The following DNAI7 variants were observed in gnomAD, a reference collection of about 807,000 sequenced individuals.
The protein encoded by DNAI7 is cancer susceptibility 1.
Under a neutral mutation model 86.6 loss-of-function variants are expected in DNAI7, and 78 were observed. The observed-to-expected ratio is 0.90, with a 90% CI of 0.75 to 1.09. The LOEUF is 1.09. Ranked by LOEUF, DNAI7 falls within the 50% of genes least tolerant of loss-of-function variation. DNAI7 has a pLI of 0.00. For missense variants in DNAI7, 753 were observed against 810.2 expected (o/e 0.93, Z 0.86); for synonymous variants, 274 against 273.0 (o/e 1.00, Z -0.04).
At chr12:25,164,824 C>G (rs956191218) in intron 2 of DNAI7, among the ~76,000 whole-genome samples, 5 of 152,004 alleles carry the variant, frequency 3.3e-5, no homozygotes, top group African/African-American at 7.3e-5. Context: ...CCAGGCCGAG[C>G]TAGGTCACAA....
Position 25,154,422 on chromosome 12 carries a change from T to C in DNAI7, c.335A>G (p.Asp112Gly). The C allele has an allele frequency of 6.2e-7, 1 of 1,611,144 alleles. No individual in the cohort carries two copies. Among genetic ancestry groups the C allele is most frequent in the Non-Finnish European group, 8.5e-7 (1 of 1,179,332 alleles). Reference protein sequence around the residue: ...KHYIQCDGSPDPSVAQEMNTF... With the variant: ...KHYIQCDGSPGPSVAQEMNTF... Reference sequence around the variant, plus strand: ...GTTCATTTCTTGGGCTACTGAAGGATCAGGACTCCCATCACATTGAATGTA... The same window carrying C: ...GTTCATTTCTTGGGCTACTGAAGGACCAGGACTCCCATCACATTGAATGTA... The change falls in exon 6 of 16, where the codon GAT becomes GGT. Residue 112 changes from aspartate (D) to glycine (G), a missense_variant. By Grantham distance (94) the Asp-to-Gly change is moderately conservative. Transcript: ENST00000395987.
chr12:25,157,306 T>C (rs1592497026), intron 4 of DNAI7, among the ~76,000 whole-genome samples: 1 of 148,708 alleles, frequency 6.7e-6, no homozygotes. Context: ...AAAGTTTTGA[T>C]ACAGTATCAA....
chr12:25,139,626 C>A (rs949437578), intron 9 of DNAI7, among the ~76,000 whole-genome samples: 1 of 152,086 alleles, frequency 6.6e-6, no homozygotes, highest in African/African-American at 2.4e-5. Context: ...CATGTTCTCA[C>A]TCATAAGTGT....
chr12:25,134,690 A>G (rs762082359), intron 9 of DNAI7, among the ~76,000 whole-genome samples: 1 of 151,994 alleles, frequency 6.6e-6, no homozygotes, highest in Non-Finnish European at 1.5e-5. Flanking sequence ...TTTCAACATC[A>G]TCATTTGCAT....
At chr12:25,185,006 C>T (rs1386754751) in intron 2 of DNAI7, among the ~76,000 whole-genome samples, 1 of 151,120 alleles carries the variant, frequency 6.6e-6, no homozygotes, top group African/African-American at 2.4e-5. Flanking sequence ...AATTCCCAGG[C>T]ATGGTAGCAC....
chr12:25,123,367 T>C lies in DNAI7; in HGVS notation c.1003-81A>G. The C allele has an allele frequency of 1.1e-5, 9 of 818,868 alleles. No homozygotes were observed. The South Asian group carries it at 1.9e-4, about 17-fold the overall frequency. The allele number at this position is 818,868 out of a possible 1,614,324, so 50.7% of individuals were successfully genotyped here. A position where few individuals can be genotyped will look rare whatever the true frequency, so the allele number is the denominator to read the frequency against. On this transcript the variant is annotated intron_variant, in intron 9 of 15. Coordinates refer to ENST00000395987, the MANE Select transcript of DNAI7 (RefSeq NM_018272.5). ...ATTGTCTTTGTGTTCCAGTCCTCAC[T>C]TCAGATGCCTGCTACCTTAATTCTA...
At chr12:25,163,249 C>A (rs1481131037) in intron 2 of DNAI7, among the ~76,000 whole-genome samples, 2 of 152,164 alleles carry the variant, frequency 1.3e-5, no homozygotes, top group African/African-American at 2.4e-5. Flanking sequence ...CCATCATATC[C>A]CCTGTGACCT....
intron 2 of DNAI7, among the ~76,000 whole-genome samples, chr12:25,178,134 T>C (rs11047875): frequency 0.11 from 16,601 of 152,094 alleles, 1,222 homozygotes; most frequent in Admixed American, 0.15. Context: ...ACTTAAGGAG[T>C]GTTCCCCCTT....
intron 9 of DNAI7, among the ~76,000 whole-genome samples, chr12:25,125,552 T>C (rs2140513637): frequency 6.6e-6 from 1 of 152,314 alleles, no homozygotes; most frequent in African/African-American, 2.4e-5. Context: ...TTTTCCACCA[T>C]TCTGCAGGCT....
intron 1 of DNAI7, among the ~76,000 whole-genome samples, chr12:25,194,111 C>A (rs763683317): frequency 2.6e-5 from 4 of 151,740 alleles, no homozygotes; most frequent in Non-Finnish European, 4.4e-5. Context: ...TGAGCCACCG[C>A]GCCAGGCCTC....
At chr12:25,123,172 C>G in intron 10 of DNAI7, 39 bp downstream of exon 10, 1 of 1,311,134 alleles carries the variant, frequency 7.6e-7, no homozygotes. Flanking sequence ...AGAAGAAAAT[C>G]TCAATAAAGT....
intron 12 of DNAI7, among the ~76,000 whole-genome samples, chr12:25,116,683 C>G (rs1940178156): frequency 6.7e-6 from 1 of 150,324 alleles, no homozygotes; most frequent in South Asian, 2.1e-4. Context: ...TAAGTAGAGA[C>G]AGGGTTTCGC....
chr12:25,172,949 A>G (rs866846345), intron 2 of DNAI7, among the ~76,000 whole-genome samples: 6 of 152,192 alleles, frequency 3.9e-5, no homozygotes, highest in Middle Eastern at 6.3e-3. Context: ...TACAAAAATC[A>G]ACACAAGATG....
rs764963002 is a variant in DNAI7 at position 25,195,083 on chromosome 12, A to G, written c.-5T>C. 10 of 1,614,054 alleles carry G rather than the reference A, an allele frequency of 6.2e-6. No homozygotes were observed. The East Asian group carries it at 1.8e-4, about 29-fold the overall frequency. On this transcript the variant is annotated 5_prime_UTR_variant, in exon 1 of 16. Coordinates refer to ENST00000395987, the MANE Select transcript of DNAI7 (RefSeq NM_018272.5). ...CTCATTTGCCTTGCTCACCATTAAG[A>G]GTCAAGCTCCACTGCAGTAGTCCGC...
intron 9 of DNAI7, among the ~76,000 whole-genome samples, chr12:25,141,793 G>T (rs894679971): frequency 3.3e-5 from 5 of 151,600 alleles, no homozygotes; most frequent in African/African-American, 1.2e-4. Flanking sequence ...TCATGCCACT[G>T]CTCTCCAGCC....
chr12:25,135,862 A>T (rs914799203), intron 9 of DNAI7, among the ~76,000 whole-genome samples: 5 of 151,814 alleles, frequency 3.3e-5, no homozygotes, highest in Non-Finnish European at 7.4e-5. Flanking sequence ...CCGCCCAAGG[A>T]GAGTCAGAGC....
intron 2 of DNAI7, among the ~76,000 whole-genome samples, chr12:25,172,011 T>C (rs1274065868): frequency 6.6e-6 from 1 of 152,108 alleles, no homozygotes; most frequent in Non-Finnish European, 1.5e-5. Flanking sequence ...AACATAATAC[T>C]GAATAAAGAA....
chr12:25,124,356 A>C (rs1330183030), intron 9 of DNAI7, among the ~76,000 whole-genome samples: 1 of 150,540 alleles, frequency 6.6e-6, no homozygotes, highest in African/African-American at 2.4e-5. Flanking sequence ...TTATTTATTC[A>C]TTCAAAAAAA....
chr12:25,155,420 A>G lies in DNAI7; in HGVS notation c.199-8T>C, dbSNP rs1946044863. 1 of 1,465,324 alleles carries G rather than the reference A, an allele frequency of 6.8e-7. No homozygotes were observed. Among genetic ancestry groups the G allele is most frequent in the African/African-American group, 1.4e-5 (1 of 71,496 alleles). The allele number at this position is 1,465,324 out of a possible 1,614,324, so 90.8% of individuals were successfully genotyped here. On this transcript the variant is annotated splice_region_variant and splice_polypyrimidine_tract_variant and intron_variant, in intron 4 of 15. Transcript: ENST00000395987. ...ATTTCTCCTTTCTAGATCCTGTTGC[A>G]CAAGGACAGATACATTGATCAGCTC... is the stretch of plus-strand genomic sequence containing the variant.
Sources: allele counts gnomAD v4.1 joint callset (sites outside exome capture counted in the v4.1 genomes callset), GRCh38; gene constraint gnomAD v4.1.1; transcripts MANE v1.5; gene names NCBI Gene and HGNC (gene_info 2026-07-23, HGNC 2026-07-21).